The following TMEM182 variants were observed in gnomAD, a reference collection of about 807,000 sequenced individuals.
TMEM182 encodes transmembrane protein 182.
A neutral mutation model predicts 26.8 loss-of-function variants in TMEM182; 20 were observed. The ratio of observed to expected loss-of-function variants is 0.75; its 90% CI spans 0.53 to 1.09. The LOEUF (loss-of-function observed/expected upper bound fraction) is 1.09. TMEM182 is among the 50% of genes least tolerant of loss of function. TMEM182 has a pLI of 0.00. For missense variants in TMEM182, 277 were observed against 275.5 expected (o/e 1.01, Z -0.04); for synonymous variants, 109 against 102.2 (o/e 1.07, Z -0.40).
In TMEM182 at chr2:102,764,337, C is replaced by T. The variant is rs1422875247; in HGVS notation, c.241C>T (p.Pro81Ser). Residue 81 changes from proline (P) to serine (S), a missense_variant, in exon 3 of 5, where the codon CCA becomes TCA. Pro to Ser is a moderately conservative substitution (Grantham distance 74, BLOSUM62 -1). Coordinates refer to ENST00000412401, the MANE Select transcript of TMEM182 (RefSeq NM_144632.5). ...TTTGCTGTTCTTCCTAGCCAATCAG[C>T]CACCGTCCAAGAACTGCACACATGC... ...NIWKFWYTNQPPSKNCTHAYL... is the reference protein window; with the variant it reads ...NIWKFWYTNQSPSKNCTHAYL... 1 of 1,613,758 alleles carries T rather than the reference C, an allele frequency of 6.2e-7. No homozygotes were observed. Among genetic ancestry groups the T allele is most frequent in the Admixed American group, 1.7e-5 (1 of 60,004 alleles).
At chr2:102,796,838 T>C (rs1373673762) in intron 3 of TMEM182, among the ~76,000 whole-genome samples, 1 of 152,210 alleles carries the variant, frequency 6.6e-6, no homozygotes, top group Non-Finnish European at 1.5e-5. Flanking sequence ...AAAACTCCAG[T>C]TGATTGATAG....
chr2:102,788,585 C>G (rs375079928), intron 3 of TMEM182, among the ~76,000 whole-genome samples: 3 of 152,042 alleles, frequency 2.0e-5, no homozygotes, highest in African/African-American at 7.2e-5. Flanking sequence ...AGCCACCCTT[C>G]CTGGTACCCA....
chr2:102,752,209 T>G (rs1160071158), intron 1 of TMEM182, among the ~76,000 whole-genome samples: 3 of 151,982 alleles, frequency 2.0e-5, no homozygotes, highest in Admixed American at 6.5e-5. Context: ...ATCCTGATGC[T>G]TATTGCAGTG....
At chr2:102,840,944 C>T (rs1473602540) in intron 3 of TMEM182, among the ~76,000 whole-genome samples, 1 of 152,156 alleles carries the variant, frequency 6.6e-6, no homozygotes, top group African/African-American at 2.4e-5. Flanking sequence ...TGTTGTCTGC[C>T]GTTTATTTCT....
intron 3 of TMEM182, among the ~76,000 whole-genome samples, chr2:102,777,589 C>T (rs150257371): frequency 1.9e-3 from 295 of 152,044 alleles, no homozygotes; most frequent in African/African-American, 6.4e-3. Context: ...TTTTCTACTA[C>T]GATAGATTTT....
At chr2:102,826,175 G>A (rs1683026650) in intron 3 of TMEM182, among the ~76,000 whole-genome samples, 1 of 152,142 alleles carries the variant, frequency 6.6e-6, no homozygotes, top group African/African-American at 2.4e-5. Context: ...CAGGTATGTG[G>A]TAGAGAGAAA....
At chr2:102,838,376 C>T (rs1395932247) in intron 3 of TMEM182, among the ~76,000 whole-genome samples, 2 of 152,168 alleles carry the variant, frequency 1.3e-5, no homozygotes, top group African/African-American at 4.8e-5. Context: ...TAGCACATAA[C>T]TAAATGAGTG....
At chr2:102,770,654 A>G (rs964210432) in intron 3 of TMEM182, among the ~76,000 whole-genome samples, 5 of 152,192 alleles carry the variant, frequency 3.3e-5, no homozygotes, top group Non-Finnish European at 5.9e-5. Flanking sequence ...TTGTATCAGA[A>G]TGATGGGAAT....
intron 3 of TMEM182, among the ~76,000 whole-genome samples, chr2:102,824,918 C>T (rs1333067358): frequency 6.6e-6 from 1 of 152,220 alleles, no homozygotes; most frequent in African/African-American, 2.4e-5. Flanking sequence ...GCCATGCTTC[C>T]TGTGCAGCAT....
chr2:102,813,444 T>C (rs1028235292), intron 4 of TMEM182, among the ~76,000 whole-genome samples: 1 of 152,242 alleles, frequency 6.6e-6, no homozygotes. Context: ...ATTTTATACC[T>C]AACAGTTCAA....
At position 102,816,333 on chromosome 2, in the gene TMEM182, T is replaced by C. The variant is rs1350541689; in HGVS notation, c.*1365T>C. 1.0e-6 allele frequency: 1 copy of C among 985,026 alleles called. No homozygotes were observed. Among genetic ancestry groups the C allele is most frequent in the African/African-American group, 1.8e-5 (1 of 57,102 alleles). 61.0% of individuals were successfully genotyped at this position (985,026 alleles called of 1,614,324 possible). On this transcript the variant is annotated 3_prime_UTR_variant, in exon 5 of 5. Transcript: ENST00000412401. ...GCAAAAAAAGTCACCACCCAGAAGA[T>C]GCTCTGGGATAGAGGAACTGCTCCT...
chr2:102,821,021 A>C (rs1328679908), downstream of TMEM182, among the ~76,000 whole-genome samples: 1 of 152,130 alleles, frequency 6.6e-6, no homozygotes, highest in Non-Finnish European at 1.5e-5. Flanking sequence ...CCTGATAAAG[A>C]GTTGGATTTC....
rs1682712120 is a variant in TMEM182, at chr2:102,815,495, G to A, written c.*527G>A. Reference sequence around the variant, plus strand: ...ACAGCAGTTGTTCTAATTAGTGGGAGCCATGTACTCACCAGTTAAAATGGG... The same window carrying A: ...ACAGCAGTTGTTCTAATTAGTGGGAACCATGTACTCACCAGTTAAAATGGG... On this transcript the variant is annotated 3_prime_UTR_variant, in exon 5 of 5. Coordinates refer to ENST00000412401, the MANE Select transcript of TMEM182 (RefSeq NM_144632.5). 2 of 986,736 alleles carry A rather than the reference G, an allele frequency of 2.0e-6. No homozygotes were observed. Among genetic ancestry groups the A allele is most frequent in the African/African-American group, 3.5e-5 (2 of 57,360 alleles). The allele number at this position is 986,736 out of a possible 1,614,324, so 61.1% of individuals were successfully genotyped here.
At chr2:102,749,060 C>T (rs1679799667) in intron 1 of TMEM182, among the ~76,000 whole-genome samples, 1 of 152,028 alleles carries the variant, frequency 6.6e-6, no homozygotes, top group South Asian at 2.1e-4. Context: ...AAATTTAGTA[C>T]CCTAAAATTG....
chr2:102,808,731 T>C (rs1682438567), intron 4 of TMEM182, among the ~76,000 whole-genome samples: 1 of 152,174 alleles, frequency 6.6e-6, no homozygotes, highest in Admixed American at 6.5e-5. Context: ...ACTCATACGA[T>C]GGAATAATGC....
rs957622 is a variant in TMEM182, at chr2:102,795,777, G to A, written c.332-2086G>A. Reference sequence around the variant, plus strand: ...TTTTCTTTACACCCTCTGGCTCCTCGGACTCTTTTTCCCAGTTTCTCTGGC... The same window carrying A: ...TTTTCTTTACACCCTCTGGCTCCTCAGACTCTTTTTCCCAGTTTCTCTGGC... On this transcript the variant is annotated intron_variant, in intron 3 of 4. Transcript: ENST00000412401. Among the ~76,000 whole-genome samples the A allele has an allele frequency of 7.9e-3, 1,206 of 152,020 alleles. 18 individuals carry two copies. The highest frequency in any genetic ancestry group is 0.027 in the African/African-American group (1,121 of 41,398).
chr2:102,797,709 C>T (rs1340852145), intron 3 of TMEM182, 154 bp from the exon 4 acceptor site: 10 of 841,296 alleles, frequency 1.2e-5, no homozygotes, highest in Admixed American at 3.3e-5. Flanking sequence ...ATAAGATCTC[C>T]TGTTTGTTCA....
chr2:102,770,322 C>T (rs543281479), intron 3 of TMEM182, among the ~76,000 whole-genome samples: 57 of 152,266 alleles, frequency 3.7e-4, no homozygotes, highest in Middle Eastern at 3.4e-3. Context: ...CCAGTAGCTC[C>T]GTCTTCACCA....
At chr2:102,755,342 A>C (rs796955541) in intron 1 of TMEM182, among the ~76,000 whole-genome samples, 2 of 152,340 alleles carry the variant, frequency 1.3e-5, no homozygotes, top group South Asian at 4.1e-4. Context: ...TATTCCAAGC[A>C]GTGCATATAA....
Sources: gnomAD v4.1 joint callset for allele counts (sites outside exome capture counted in the v4.1 genomes callset) on GRCh38, gnomAD v4.1.1 for gene constraint, MANE v1.5 for transcripts, NCBI Gene and HGNC (gene_info 2026-07-23, HGNC 2026-07-21) for gene names.